The following BRINP3 variants were observed in gnomAD, a reference collection of about 807,000 sequenced individuals.
The protein encoded by BRINP3 is BMP/retinoic acid inducible neural specific 3, also known as BMP/retinoic acid-inducible neural-specific protein 3.
Under a neutral mutation model 71.0 loss-of-function variants are expected in BRINP3, and 19 were observed. The ratio of observed to expected loss-of-function variants is 0.27; its 90% CI spans 0.19 to 0.39. The LOEUF (loss-of-function observed/expected upper bound fraction) is 0.39, where lower values mean the gene tolerates loss of function less well. BRINP3 is among the 10% of genes least tolerant of loss of function. The pLI is 1.00. For synonymous variants in BRINP3, 380 were observed against 337.7 expected (o/e 1.13, Z -1.37); for missense variants, 959 against 940.8 (o/e 1.02, Z -0.25).
intron 5 of BRINP3, among the ~76,000 whole-genome samples, chr1:190,226,598 T>G (rs1369844320): frequency 6.6e-6 from 1 of 151,966 alleles, no homozygotes; most frequent in Non-Finnish European, 1.5e-5. Flanking sequence ...TATCACAATA[T>G]TTGGTTATTT....
At chr1:190,221,687 A>C (rs1656905903) in intron 6 of BRINP3, among the ~76,000 whole-genome samples, 1 of 152,102 alleles carries the variant, frequency 6.6e-6, no homozygotes, top group Non-Finnish European at 1.5e-5. Flanking sequence ...TTAATGTAGA[A>C]AGATACACAT....
chr1:190,162,028 C>G (rs972396023), intron 6 of BRINP3, among the ~76,000 whole-genome samples: 1 of 152,018 alleles, frequency 6.6e-6, no homozygotes, highest in Non-Finnish European at 1.5e-5. Flanking sequence ...GTTCTGGCAT[C>G]TTTACGGCAT....
At chr1:190,262,226 T>C (rs531309458) in intron 4 of BRINP3, among the ~76,000 whole-genome samples, 6 of 152,218 alleles carry the variant, frequency 3.9e-5, no homozygotes, top group African/African-American at 1.4e-4. Flanking sequence ...CCTGGAACCT[T>C]CATAATAACC....
intron 2 of BRINP3, among the ~76,000 whole-genome samples, chr1:190,368,284 A>G (rs1389573913): frequency 6.6e-6 from 1 of 152,090 alleles, no homozygotes; most frequent in African/African-American, 2.4e-5. Context: ...AAGACTCCTT[A>G]TAAAATCATC....
chr1:190,168,514 G>A (rs10494632), intron 6 of BRINP3, among the ~76,000 whole-genome samples: 21,991 of 152,084 alleles, frequency 0.14, 2,501 homozygotes, highest in African/African-American at 0.29. Flanking sequence ...AATAAAGACT[G>A]TAACCCATAA....
chr1:190,415,005 T>C (rs1448937219), intron 2 of BRINP3, among the ~76,000 whole-genome samples: 2 of 152,220 alleles, frequency 1.3e-5, no homozygotes, highest in Non-Finnish European at 2.9e-5. Flanking sequence ...TAATTAACTA[T>C]TTTAAGTGCT....
intron 2 of BRINP3, among the ~76,000 whole-genome samples, chr1:190,329,562 C>T (rs1440244399): frequency 1.3e-5 from 2 of 151,872 alleles, no homozygotes; most frequent in East Asian, 1.9e-4. Context: ...ACATTACATG[C>T]TCATAGATTG....
chr1:190,343,476 C>G (rs1207456877), intron 2 of BRINP3, among the ~76,000 whole-genome samples: 1 of 151,672 alleles, frequency 6.6e-6, no homozygotes, highest in African/African-American at 2.4e-5. Context: ...GCTTACTTAA[C>G]TGTAAAATTG....
At chr1:190,360,691 C>T (rs910597432) in intron 2 of BRINP3, among the ~76,000 whole-genome samples, 1 of 151,884 alleles carries the variant, frequency 6.6e-6, no homozygotes, top group Non-Finnish European at 1.5e-5. Context: ...CAGGCTTTAT[C>T]GTTGCCTTGG....
chr1:190,439,701 A>G (rs1674692821), intron 2 of BRINP3, among the ~76,000 whole-genome samples: 1 of 151,982 alleles, frequency 6.6e-6, no homozygotes, highest in Non-Finnish European at 1.5e-5. Flanking sequence ...AAGAGAATGC[A>G]ATGTGAGCCT....
intron 7 of BRINP3, among the ~76,000 whole-genome samples, chr1:190,141,945 G>T (rs1655488268): frequency 6.6e-6 from 1 of 151,840 alleles, no homozygotes; most frequent in Non-Finnish European, 1.5e-5. Context: ...GATCAAAAAA[G>T]ATATCGATTA....
At chr1:190,202,147 C>T (rs1655063297) in intron 6 of BRINP3, among the ~76,000 whole-genome samples, 1 of 152,142 alleles carries the variant, frequency 6.6e-6, no homozygotes, top group Non-Finnish European at 1.5e-5. Flanking sequence ...TGAAGAGCTG[C>T]CCAAGACCAT....
chr1:190,408,244 C>T (rs191573799), intron 2 of BRINP3, among the ~76,000 whole-genome samples: 551 of 151,186 alleles, frequency 3.6e-3, no homozygotes, highest in African/African-American at 0.013. Context: ...CGGGGTTTCA[C>T]CGTGTTAGCC....
intron 4 of BRINP3, among the ~76,000 whole-genome samples, chr1:190,244,138 C>T (rs1024132590): frequency 6.6e-6 from 1 of 151,972 alleles, no homozygotes; most frequent in Non-Finnish European, 1.5e-5. Flanking sequence ...ATCCTGAAAC[C>T]ATTCCCTCCA....
At chr1:190,282,542 T>C (rs1196935100) in intron 2 of BRINP3, among the ~76,000 whole-genome samples, 4 of 151,996 alleles carry the variant, frequency 2.6e-5, no homozygotes, top group Non-Finnish European at 5.9e-5. Flanking sequence ...CACTCTTCAT[T>C]AGGCTTAATA....
intron 2 of BRINP3, among the ~76,000 whole-genome samples, chr1:190,365,806 GTA>G (rs66540359): frequency 0.11 from 14,404 of 127,684 alleles, 862 homozygotes; most frequent in African/African-American, 0.16. Flanking sequence ...GAGAGCAAGT[GTA>G]TATATATATA....
At chr1:190,150,636 T>C (rs985893354) in intron 7 of BRINP3, among the ~76,000 whole-genome samples, 2 of 152,192 alleles carry the variant, frequency 1.3e-5, no homozygotes, top group African/African-American at 4.8e-5. Flanking sequence ...CATATTTACC[T>C]AATGACAATT....
intron 7 of BRINP3, among the ~76,000 whole-genome samples, chr1:190,149,588 G>A (rs559722206): frequency 2.0e-5 from 3 of 151,814 alleles, no homozygotes; most frequent in East Asian, 1.9e-4. Context: ...GTCTCAGTGC[G>A]TGCGTGTTAG....
chr1:190,332,485 A>G (rs1391908245), intron 2 of BRINP3, among the ~76,000 whole-genome samples: 1 of 151,990 alleles, frequency 6.6e-6, no homozygotes, highest in Non-Finnish European at 1.5e-5. Context: ...ATACCTGTTC[A>G]CCTTTTCCAG....
Sources: allele counts gnomAD v4.1 joint callset (sites outside exome capture counted in the v4.1 genomes callset), GRCh38; gene constraint gnomAD v4.1.1; transcripts MANE v1.5; gene names NCBI Gene and HGNC (gene_info 2026-07-23, HGNC 2026-07-21).